DMD: variants seen among roughly 807,000 people sequenced by gnomAD.
DMD encodes mutant dystrophin.
Under a neutral mutation model 330.1 loss-of-function variants are expected in DMD, and 63 were observed. The observed-to-expected ratio is 0.19, with a 90% CI of 0.16 to 0.24. The LOEUF is 0.24. Ranked by LOEUF, DMD falls within the 10% of genes least tolerant of loss-of-function variation. The pLI is 1.00. For synonymous variants in DMD, 1,223 were observed against 959.8 expected (o/e 1.27, Z -5.07); for missense variants, 3,344 against 2,684.1 (o/e 1.25, Z -5.43).
chrX:32,583,928 A>G (rs1337044428), intron 13 of DMD, among the ~76,000 whole-genome samples: 1 of 111,714 alleles, frequency 9.0e-6, no homozygotes. Context: ...GGACAAAAGT[A>G]CACTAAACAT....
At chrX:31,696,134 T>C (rs900979420) in intron 52 of DMD, among the ~76,000 whole-genome samples, 4 of 111,539 alleles carry the variant, frequency 3.6e-5, no homozygotes, top group African/African-American at 1.3e-4. Flanking sequence ...CAGAAATGCA[T>C]AGTTATTAAT....
At chrX:32,356,370 G>A (rs903417639) in intron 37 of DMD, among the ~76,000 whole-genome samples, 11 of 62,170 alleles carry the variant, frequency 1.8e-4, no homozygotes, top group Non-Finnish European at 2.2e-4. Flanking sequence ...TTCTGACACT[G>A]AATGGAAGTA....
chrX:32,388,320 A>T (rs1356378256), intron 32 of DMD, among the ~76,000 whole-genome samples: 1 of 90,211 alleles, frequency 1.1e-5, no homozygotes, highest in Non-Finnish European at 2.1e-5. Flanking sequence ...TGAATAAGGC[A>T]CTTGGGTCAT....
At chrX:31,473,527 C>G (rs1433860365) in intron 59 of DMD, among the ~76,000 whole-genome samples, 1 of 109,039 alleles carries the variant, frequency 9.2e-6, no homozygotes, top group Non-Finnish European at 1.9e-5. Flanking sequence ...CAAGACCATC[C>G]TGGCCAACAT....
intron 13 of DMD, among the ~76,000 whole-genome samples, chrX:32,578,313 A>T (rs1285832202): frequency 8.9e-6 from 1 of 112,501 alleles, no homozygotes; most frequent in African/African-American, 3.2e-5. Flanking sequence ...TTCTACACAT[A>T]AATGTAAAAC....
chrX:31,867,089 T>TATATATATATATATATA (rs1395456607), intron 48 of DMD, among the ~76,000 whole-genome samples: 7 of 63,460 alleles, frequency 1.1e-4, no homozygotes, highest in African/African-American at 5.0e-4. Context: ...GCAACATATT[T>TATATATATATATATATA]TGATATATAT....
At chrX:31,879,209 CG>C (rs67287629) in intron 47 of DMD, among the ~76,000 whole-genome samples, 26 of 83,809 alleles carry the variant, frequency 3.1e-4, no homozygotes, top group African/African-American at 9.8e-4. Flanking sequence ...TTCTACATGG[CG>C]GGGGGGGGCC....
chrX:32,205,483 T>C (rs2097064116), intron 44 of DMD, among the ~76,000 whole-genome samples: 2 of 110,440 alleles, frequency 1.8e-5, no homozygotes, highest in African/African-American at 3.3e-5. Context: ...CTGCTCTGAC[T>C]CATCAATGGT....
intron 50 of DMD, among the ~76,000 whole-genome samples, chrX:31,780,802 G>A (rs1240059904): frequency 9.0e-6 from 1 of 111,681 alleles, no homozygotes; most frequent in Non-Finnish European, 1.9e-5. Context: ...TTTCTTTTCT[G>A]TCACTCTAAA....
At chrX:31,706,335 G>A (rs2084188327) in intron 52 of DMD, among the ~76,000 whole-genome samples, 1 of 110,247 alleles carries the variant, frequency 9.1e-6, no homozygotes, top group African/African-American at 3.3e-5. Flanking sequence ...AATGCTAAAA[G>A]TTAGAATTTT....
In DMD at chrX:32,331,270, A is replaced by T. The variant is rs147977784; in HGVS notation, c.5922+10830T>A. Among the ~76,000 whole-genome samples the T allele has an allele frequency of 3.3e-3, 370 of 112,034 alleles. 13 individuals carry two copies. The East Asian group carries it at 0.089, about 27-fold the overall frequency. Reference sequence around the variant, plus strand: ...GTCCATAGTCACAATGAGAAGTAACAAACTGTTCCCAAATAGTTCTATCAA... The same window carrying T: ...GTCCATAGTCACAATGAGAAGTAACTAACTGTTCCCAAATAGTTCTATCAA... On this transcript the variant is annotated intron_variant, in intron 41 of 78. Coordinates refer to ENST00000357033, the MANE Select transcript of DMD (RefSeq NM_004006.3).
At chrX:31,473,002 A>T (rs1488123474) in intron 59 of DMD, among the ~76,000 whole-genome samples, 1 of 111,721 alleles carries the variant, frequency 9.0e-6, no homozygotes. Context: ...TCAACAGGTA[A>T]ACTAAGAACA....
intron 11 of DMD, among the ~76,000 whole-genome samples, chrX:32,624,383 C>G (rs750447447): frequency 7.7e-4 from 86 of 111,862 alleles, no homozygotes; most frequent in Non-Finnish European, 1.4e-3. Context: ...TCCAATCGTT[C>G]AGATCATCTG....
chrX:31,230,002 A>G (rs770931435), intron 63 of DMD, among the ~76,000 whole-genome samples: 1 of 112,352 alleles, frequency 8.9e-6, no homozygotes, highest in South Asian at 3.7e-4. Context: ...AGGCTTCAGA[A>G]GTCTAGAATT....
chrX:32,077,409 AACTT>A (rs1358463046), intron 44 of DMD, among the ~76,000 whole-genome samples: 1 of 111,818 alleles, frequency 8.9e-6, no homozygotes, highest in Non-Finnish European at 1.9e-5. Flanking sequence ...ATTTCATAAT[AACTT>A]AATACCTCTT....
chrX:32,418,972 C>CAAAAAAAAAAAAAAAA (rs1160282195), intron 29 of DMD, among the ~76,000 whole-genome samples: 261 of 13,494 alleles, frequency 0.019, 17 homozygotes, highest in Non-Finnish European at 0.029. Flanking sequence ...GACTCTGTCT[C>CAAAAAAAAAAAAAAAA]AAAAAAAAAA....
chrX:31,338,883 G>A (rs918433702), intron 61 of DMD, among the ~76,000 whole-genome samples: 2 of 103,163 alleles, frequency 1.9e-5, no homozygotes, highest in Non-Finnish European at 3.9e-5. Flanking sequence ...TTGCCTACAG[G>A]GACTTGAGTG....
chrX:32,800,475 A>T (rs1401423044), intron 7 of DMD, among the ~76,000 whole-genome samples: 3 of 112,111 alleles, frequency 2.7e-5, no homozygotes, highest in African/African-American at 9.7e-5. Flanking sequence ...TTTCCCTAAC[A>T]CAATGGCAAG....
chrX:33,327,186 A>C (rs2148960654), intron 1 of DMD, among the ~76,000 whole-genome samples: 1 of 111,798 alleles, frequency 8.9e-6, no homozygotes, highest in African/African-American at 3.2e-5. Flanking sequence ...ATCTGGATTT[A>C]AATTTCTAAG....
Sources: allele counts gnomAD v4.1 joint callset (sites outside exome capture counted in the v4.1 genomes callset), GRCh38; gene constraint gnomAD v4.1.1; transcripts MANE v1.5; gene names NCBI Gene and HGNC (gene_info 2026-07-23, HGNC 2026-07-21).